The following TLE2 variants were observed in gnomAD, a reference collection of about 807,000 sequenced individuals.
The protein encoded by TLE2 is transducin-like enhancer protein 2.
TLE2 carries 74 observed loss-of-function variants against 97.2 expected under a neutral mutation model. The ratio of observed to expected loss-of-function variants is 0.76; its 90% CI spans 0.63 to 0.92. The LOEUF (loss-of-function observed/expected upper bound fraction) is 0.92. Ranked by LOEUF, TLE2 falls within the 40% of genes least tolerant of loss-of-function variation. The pLI, the probability that TLE2 is intolerant of heterozygous loss-of-function variation, is 0.00. For synonymous variants in TLE2, 499 were observed against 432.1 expected (o/e 1.15, Z -1.92); for missense variants, 1,038 against 1,008.7 (o/e 1.03, Z -0.39).
rs554075955 is a variant in TLE2, at chr19:3,025,063, A to T, written c.251T>A (p.Leu84Gln). The change falls in exon 5 of 20, where the codon CTG (leucine) becomes CAG (glutamine). Residue 84 changes from leucine to glutamine, a missense_variant. Physicochemically the swap from Leu to Gln is moderately radical, Grantham distance 113 (BLOSUM62 -2). Coordinates refer to ENST00000262953, the MANE Select transcript of TLE2 (RefSeq NM_003260.5). ...MHKQAEIVKRLSGICAQIIPF... is the reference protein window; with the variant it reads ...MHKQAEIVKRQSGICAQIIPF... ...GATAATCTGAGCGCAGATACCGCTC[A>T]GACGCTTCACAATCTCCGCCTGGCA... 6.2e-7 allele frequency: 1 copy of T among 1,605,356 alleles called. No individual in the cohort carries two copies. Among genetic ancestry groups the T allele is most frequent in the South Asian group, 1.1e-5 (1 of 88,854 alleles).
intron 1 of TLE2, among the ~76,000 whole-genome samples, chr19:3,041,303 A>G (rs1360329286): frequency 1.3e-5 from 2 of 152,020 alleles, no homozygotes; most frequent in Non-Finnish European, 2.9e-5. Context: ...CTGGGATTAC[A>G]GGAGTGAGCC....
rs1555694494 is a variant in TLE2, at chr19:3,029,222, T to TGGC, written c.-321_-319dup. 4 of 366,592 alleles carry TGGC rather than the reference T, an allele frequency of 1.1e-5. No individual in the cohort carries two copies. The highest frequency in any genetic ancestry group is 3.7e-6 in the Non-Finnish European group (1 of 270,384). The allele number at this position is 366,592 out of a possible 1,614,324, so 22.7% of individuals were successfully genotyped here. On this transcript the variant is annotated 5_prime_UTR_variant, in exon 1 of 20. Transcript: ENST00000262953. The stretch of plus-strand genomic sequence containing the variant: ...CGGGCGCGCCGCGGCCGGGTTTCGG[T>TGGC]GGCGGCGGCGCGGGCGGCGGGCCCC...
intron 10 of TLE2, 32 bp downstream of exon 10, chr19:3,014,538 A>G: frequency 6.5e-7 from 1 of 1,549,402 alleles, no homozygotes; most frequent in South Asian, 1.2e-5. Flanking sequence ...CTGTGCCCAG[A>G]GTCGGGGAAG....
Position 3,011,016 on chromosome 19 carries a change from G to A in TLE2, c.1012+6C>T. ...CCAGACAGGCACCAACAGGCAAGGT[G>A]CTCACCGACGCTGTCCGTGGAAGGT... On this transcript the variant is annotated splice_donor_region_variant and intron_variant, in intron 12 of 19. Transcript: ENST00000262953. The A allele has an allele frequency of 6.2e-7, 1 of 1,601,262 alleles. No individual in the cohort carries two copies. The highest frequency in any genetic ancestry group is 8.5e-7 in the Non-Finnish European group (1 of 1,175,168).
chr19:3,020,402 G>A (rs2089813649), intron 5 of TLE2: 1 of 151,948 alleles, frequency 6.6e-6, no homozygotes, highest in Admixed American at 6.6e-5. Context: ...GGCACCCCCA[G>A]TTGTGACAAC....
At chr19:3,026,582 G>T (rs1364210718) in intron 4 of TLE2, among the ~76,000 whole-genome samples, 1 of 151,272 alleles carries the variant, frequency 6.6e-6, no homozygotes, top group East Asian at 1.9e-4. Context: ...AGAACCCTGA[G>T]GTCTATCTCT....
chr19:3,006,064 C>A (rs2089468649), intron 15 of TLE2, 96 bp from the exon 16 acceptor site: 4 of 1,448,718 alleles, frequency 2.8e-6, no homozygotes, highest in South Asian at 1.1e-5. Context: ...CCCAATGTAG[C>A]CTCATCCTGA....
intron 11 of TLE2, among the ~76,000 whole-genome samples, chr19:3,012,458 C>T (rs1439826466): frequency 1.3e-5 from 2 of 152,176 alleles, no homozygotes; most frequent in African/African-American, 4.8e-5. Flanking sequence ...CTCGAGTGAT[C>T]GTCCTGCCTT....
At chr19:3,002,726 T>A (rs1415639042) in intron 17 of TLE2, among the ~76,000 whole-genome samples, 1 of 146,686 alleles carries the variant, frequency 6.8e-6, no homozygotes, top group African/African-American at 2.6e-5. Flanking sequence ...TGAGACAGAG[T>A]CTCACTGTGT....
chr19:3,015,313 GGTCA>G (rs1057439605), intron 9 of TLE2, among the ~76,000 whole-genome samples: 1 of 152,184 alleles, frequency 6.6e-6, no homozygotes, highest in Admixed American at 6.6e-5. Flanking sequence ...TCTAGGAGGT[GGTCA>G]GGGAAGGCTT....
intron 13 of TLE2, 94 bp from the exon 14 acceptor site, chr19:3,009,039 T>C (rs2089535605): frequency 4.0e-6 from 4 of 999,052 alleles, no homozygotes; most frequent in Non-Finnish European, 5.8e-6. Context: ...TCTCTGTTTA[T>C]CACCCCTCCC....
chr19:3,035,186 C>A (rs2090052898), intron 1 of TLE2, among the ~76,000 whole-genome samples: 1 of 152,142 alleles, frequency 6.6e-6, no homozygotes, highest in African/African-American at 2.4e-5. Context: ...TTGGGAGCAG[C>A]GGGTGGAATT....
At chr19:3,014,496 G>T in intron 10 of TLE2, 74 bp downstream of exon 10, 1 of 1,365,056 alleles carries the variant, frequency 7.3e-7, no homozygotes, top group Non-Finnish European at 9.7e-7. Flanking sequence ...CTACCTCTGG[G>T]TCCTCCCAGT....
upstream of TLE2, among the ~76,000 whole-genome samples, chr19:3,031,541 G>A (rs982456255): frequency 6.6e-6 from 1 of 151,996 alleles, no homozygotes; most frequent in African/African-American, 2.4e-5. Flanking sequence ...TGTTGCCCAG[G>A]CTGGTCTTGC....
intron 13 of TLE2, 140 bp from the exon 14 acceptor site, chr19:3,009,085 A>G: frequency 1.7e-6 from 1 of 599,582 alleles, no homozygotes; most frequent in Non-Finnish European, 2.8e-6. Flanking sequence ...TGCCTGTCAC[A>G]CTACAGATGA....
rs1448402233 is a variant in TLE2 at position 3,008,719 on chromosome 19, GGGATTACA to G, written c.1250+142_1250+149del. 13 of 490,502 alleles carry G rather than the reference GGGATTACA, an allele frequency of 2.7e-5. No homozygotes were observed. In the East Asian group the frequency reaches 4.4e-4, roughly 17 times the overall value. 30.4% of individuals were successfully genotyped at this position (490,502 alleles called of 1,614,324 possible). On this transcript the variant is annotated intron_variant, in intron 14 of 19. Coordinates refer to ENST00000262953, the MANE Select transcript of TLE2 (RefSeq NM_003260.5). ...ACCTGCCTCAGCCTTCCAAAGTGCT[GGGATTACA>G]GGAGTGAACCACTGTGCCCGGCCCA...
At chr19:3,034,684 C>T (rs747716552) in intron 1 of TLE2, among the ~76,000 whole-genome samples, 3 of 150,116 alleles carry the variant, frequency 2.0e-5, no homozygotes, top group Middle Eastern at 3.4e-3. Context: ...TCCATACGCG[C>T]GTACACACAC....
rs2089465924 is a variant in TLE2 at position 3,005,964 on chromosome 19, C to T, written c.1505G>A (p.Arg502Gln). 2.5e-6 allele frequency: 4 copies of T among 1,609,022 alleles called. No individual in the cohort carries two copies. The highest frequency in any genetic ancestry group is 3.4e-6 in the Non-Finnish European group (4 of 1,176,160). ...CTTGCAGGAACGAATGTAGTTGTCTCGGTTCTGGGGTCGGGGAGAGAAGCA... is the reference window on the plus strand; with the variant it reads ...CTTGCAGGAACGAATGTAGTTGTCTTGGTTCTGGGGTCGGGGAGAGAAGCA... The part of the protein sequence containing the change: ...TPVAQLDCLN[R>Q]DNYIRSCKLL... Residue 502 changes from arginine (R) to glutamine (Q), a missense_variant, in exon 16 of 20, where the codon CGA becomes CAA. Physicochemically the swap from Arg to Gln is conservative, Grantham distance 43 (BLOSUM62 1). Transcript: ENST00000262953.
chr19:3,045,371 G>A (rs2090134124), intron 1 of TLE2, among the ~76,000 whole-genome samples: 1 of 152,222 alleles, frequency 6.6e-6, no homozygotes, highest in African/African-American at 2.4e-5. Context: ...GACTGAGGCA[G>A]TGACTACGGG....
Sources: allele counts gnomAD v4.1 joint callset (sites outside exome capture counted in the v4.1 genomes callset), GRCh38; gene constraint gnomAD v4.1.1; transcripts MANE v1.5; gene names NCBI Gene and HGNC (gene_info 2026-07-23, HGNC 2026-07-21).